Variants in STXBP5L observed in about 807,000 individuals in gnomAD.
STXBP5L encodes the protein syntaxin-binding protein 5-like.
A neutral mutation model predicts 144.5 loss-of-function variants in STXBP5L; 65 were observed. The observed-to-expected ratio is 0.45, with a 90% CI of 0.37 to 0.55. The LOEUF (loss-of-function observed/expected upper bound fraction) is 0.55, where lower values mean the gene tolerates loss of function less well. STXBP5L is among the 20% of genes least tolerant of loss of function. The pLI, the probability that STXBP5L is intolerant of heterozygous loss-of-function variation, is 0.00. For missense variants in STXBP5L, 1,298 were observed against 1,405.5 expected, an observed-to-expected ratio of 0.92 and a Z score of 1.22; for synonymous variants, 505 against 469.6, an observed-to-expected ratio of 1.08 and a Z score of -0.97.
At chr3:121,394,402 GC>G (rs202125165) in intron 22 of STXBP5L, among the ~76,000 whole-genome samples, 47 of 56,094 alleles carry the variant, frequency 8.4e-4, no homozygotes, top group African/African-American at 3.4e-3. Context: ...CAATTTGAAT[GC>G]CTTTTTTTTT....
intron 19 of STXBP5L, among the ~76,000 whole-genome samples, chr3:121,301,154 CGATATT>C (rs926733272): frequency 2.6e-5 from 4 of 152,108 alleles, no homozygotes; most frequent in African/African-American, 9.7e-5. Flanking sequence ...GCCATTTTCA[CGATATT>C]GATTCTTCCT....
chr3:120,967,765 C>T (rs1559925045), intron 3 of STXBP5L, among the ~76,000 whole-genome samples: 1 of 151,954 alleles, frequency 6.6e-6, no homozygotes, highest in African/African-American at 2.4e-5. Flanking sequence ...CTTAGAACTG[C>T]TTTTGCTGTA....
At chr3:121,029,600 CCATT>C (rs1479548330) in intron 3 of STXBP5L, among the ~76,000 whole-genome samples, 34 of 152,166 alleles carry the variant, frequency 2.2e-4, no homozygotes, top group African/African-American at 7.9e-4. Flanking sequence ...CTAGGCAATA[CCATT>C]CAGGACATAG....
At chr3:120,954,807 T>C in intron 2 of STXBP5L, 133 bp from the exon 3 acceptor site, 1 of 582,754 alleles carries the variant, frequency 1.7e-6, no homozygotes, top group Admixed American at 3.6e-5. Flanking sequence ...TCCATCTCTG[T>C]GTTAATGTTT....
At chr3:121,296,179 A>C (rs1311385320) in intron 19 of STXBP5L, among the ~76,000 whole-genome samples, 2 of 152,204 alleles carry the variant, frequency 1.3e-5, no homozygotes, top group East Asian at 3.8e-4. Context: ...GCTTTACTCT[A>C]TTCACATGTC....
chr3:121,223,354 T>C (rs2049029625), intron 11 of STXBP5L, among the ~76,000 whole-genome samples, 197 bp downstream of exon 11: 1 of 152,202 alleles, frequency 6.6e-6, no homozygotes, highest in African/African-American at 2.4e-5. Context: ...ATGCTGGCAT[T>C]TCAGGTTCTA....
At chr3:121,052,371 G>A (rs1326469396) in intron 5 of STXBP5L, among the ~76,000 whole-genome samples, 3 of 152,142 alleles carry the variant, frequency 2.0e-5, no homozygotes, top group Non-Finnish European at 4.4e-5. Context: ...ACAGAATCCA[G>A]CAGCACATCA....
intron 20 of STXBP5L, among the ~76,000 whole-genome samples, chr3:121,363,212 G>A (rs1406910770): frequency 6.6e-6 from 1 of 152,124 alleles, no homozygotes; most frequent in African/African-American, 2.4e-5. Flanking sequence ...TATGGGAGAG[G>A]TGATACCAGC....
intron 22 of STXBP5L, among the ~76,000 whole-genome samples, chr3:121,398,672 G>C (rs1404849880): frequency 3.3e-5 from 5 of 152,150 alleles, no homozygotes; most frequent in Non-Finnish European, 5.9e-5. Context: ...CCCAGGAAAT[G>C]AGTATTTCCT....
intron 3 of STXBP5L, among the ~76,000 whole-genome samples, chr3:120,972,043 T>C (rs1940332946): frequency 6.6e-6 from 1 of 152,080 alleles, no homozygotes; most frequent in South Asian, 2.1e-4. Flanking sequence ...TTAGAATTTC[T>C]TTGGCTATTG....
At chr3:120,936,911 G>C (rs1008809154) in intron 2 of STXBP5L, among the ~76,000 whole-genome samples, 2 of 152,122 alleles carry the variant, frequency 1.3e-5, no homozygotes, top group African/African-American at 4.8e-5. Context: ...TGAGGTGTGG[G>C]GGAGGGAAAA....
chr3:121,318,611 C>A, intron 20 of STXBP5L, 71 bp downstream of exon 20: 2 of 1,084,500 alleles, frequency 1.8e-6, no homozygotes, highest in Middle Eastern at 2.1e-4. Flanking sequence ...TTTTCATGAT[C>A]TTTATAATGT....
intron 5 of STXBP5L, among the ~76,000 whole-genome samples, chr3:121,074,368 G>A (rs2041934264): frequency 6.6e-6 from 1 of 152,134 alleles, no homozygotes; most frequent in Non-Finnish European, 1.5e-5. Context: ...TTTACTGGCT[G>A]GTAATCTCTG....
intron 9 of STXBP5L, among the ~76,000 whole-genome samples, chr3:121,190,909 G>A (rs1395049032): frequency 6.6e-5 from 10 of 151,750 alleles, no homozygotes; most frequent in Admixed American, 1.3e-4. Flanking sequence ...ACGGGGTCAC[G>A]GCCGGGCAGA....
intron 3 of STXBP5L, among the ~76,000 whole-genome samples, chr3:121,025,837 A>T (rs1945886188): frequency 6.7e-6 from 1 of 148,436 alleles, no homozygotes; most frequent in South Asian, 2.1e-4. Context: ...TACTTATATA[A>T]AGTAATTTTT....
chr3:121,091,964 G>A (rs566765704), intron 5 of STXBP5L, among the ~76,000 whole-genome samples: 1 of 152,212 alleles, frequency 6.6e-6, no homozygotes, highest in Non-Finnish European at 1.5e-5. Flanking sequence ...AAGGTGTAAG[G>A]AAGGGATCCA....
intron 5 of STXBP5L, among the ~76,000 whole-genome samples, chr3:121,051,797 G>T (rs760498414): frequency 6.6e-6 from 1 of 152,092 alleles, no homozygotes; most frequent in Non-Finnish European, 1.5e-5. Flanking sequence ...ATGAAGCCAG[G>T]AGCTGGTTTT....
chr3:120,994,047 G>A (rs9866075), intron 3 of STXBP5L, among the ~76,000 whole-genome samples: 1 of 151,548 alleles, frequency 6.6e-6, no homozygotes, highest in Admixed American at 6.6e-5. Context: ...TTATTTTTGT[G>A]ACTGTTGTAA....
intron 9 of STXBP5L, 162 bp downstream of exon 9, chr3:121,157,789 C>T (rs1160572354): frequency 1.1e-6 from 1 of 899,700 alleles, no homozygotes; most frequent in Non-Finnish European, 1.6e-6. Flanking sequence ...ACATTGTACC[C>T]CAAACTTTCC....
Sources: gnomAD v4.1 joint callset for allele counts (sites outside exome capture counted in the v4.1 genomes callset) on GRCh38, gnomAD v4.1.1 for gene constraint, MANE v1.5 for transcripts, NCBI Gene and HGNC (gene_info 2026-07-23, HGNC 2026-07-21) for gene names.